The following VPS13D variants were observed in gnomAD, a reference collection of about 807,000 sequenced individuals.
VPS13D encodes the protein intermembrane lipid transfer protein VPS13D.
A neutral mutation model predicts 461.9 loss-of-function variants in VPS13D; 187 were observed. The ratio of observed to expected loss-of-function variants is 0.40; its 90% CI spans 0.36 to 0.46. The LOEUF (loss-of-function observed/expected upper bound fraction) is 0.46. Among genes scored for constraint, VPS13D ranks in the 20% least tolerant of loss-of-function variants. The probability of loss-of-function intolerance (pLI) is 0.60; values close to 1 mark genes in which losing one functional copy is unlikely to be tolerated. For synonymous variants in VPS13D, 1,951 were observed against 1,986.3 expected (o/e 0.98, Z 0.47); for missense variants, 4,711 against 5,364.9 (o/e 0.88, Z 3.81).
chr1:12,267,006 A>G lies in VPS13D; in HGVS notation c.1720A>G (p.Asn574Asp). 3 of 1,595,418 alleles carry G rather than the reference A, an allele frequency of 1.9e-6. No homozygotes were observed. The highest frequency in any genetic ancestry group is 2.6e-6 in the Non-Finnish European group (3 of 1,173,836). The change falls in exon 14 of 70, where the codon AAT becomes GAT. Residue 574 changes from asparagine to aspartate, a missense_variant. Asn to Asp is a conservative substitution (Grantham distance 23, BLOSUM62 1). Around this residue, in one of 3 missense-constraint regions of VPS13D, gnomAD observed 4,411 missense variants for 4,937.8 expected, o/e 0.89. Transcript: ENST00000620676. Reference protein sequence around the residue: ...GTMFPLLVFPNPQKEVGRVSQ... With the variant: ...GTMFPLLVFPDPQKEVGRVSQ... ...TATGTTTCCTCTTCTAGTCTTCCCT[A>G]ATCCAGTATGTACAACAGTTGGATA... is the stretch of plus-strand genomic sequence containing the variant.
intron 68 of VPS13D, among the ~76,000 whole-genome samples, chr1:12,498,913 G>T (rs1230871222): frequency 6.6e-6 from 1 of 152,094 alleles, no homozygotes; most frequent in Non-Finnish European, 1.5e-5. Flanking sequence ...ACTCCAAATG[G>T]TCACATTGGG....
Position 12,356,543 on chromosome 1 carries a change from G to T in VPS13D, c.9998+19G>T. ...CAAACCTGTGAGTACAGTTATTTAT[G>T]GGAAGGGGAAATAAGCTCCCAGGGA... On this transcript the variant is annotated intron_variant, in intron 49 of 69. Transcript: ENST00000620676. 1 of 1,606,934 alleles carries T rather than the reference G, an allele frequency of 6.2e-7. No individual in the cohort carries two copies. Among genetic ancestry groups the T allele is most frequent in the South Asian group, 1.1e-5 (1 of 89,858 alleles).
At chr1:12,481,109 T>A (rs997930507) in intron 67 of VPS13D, among the ~76,000 whole-genome samples, 3 of 152,204 alleles carry the variant, frequency 2.0e-5, no homozygotes, top group Non-Finnish European at 4.4e-5. Flanking sequence ...ACAGGCTTTG[T>A]GTTGCTCAGA....
chr1:12,405,567 G>A (rs1644642083), intron 63 of VPS13D, among the ~76,000 whole-genome samples: 1 of 152,186 alleles, frequency 6.6e-6, no homozygotes, highest in East Asian at 1.9e-4. Context: ...GCCATCTCTG[G>A]AAGAGTGCAG....
Position 12,507,937 on chromosome 1 carries a change from C to T in VPS13D, c.13035+844C>T, listed in dbSNP as rs1646134683. On this transcript the variant is annotated intron_variant, in intron 69 of 69. Coordinates refer to ENST00000620676, the MANE Select transcript of VPS13D (RefSeq NM_015378.4). The surrounding 1 kb of genome is among the most constrained non-coding windows in gnomAD (Gnocchi z 5.3). ...TTGCATTCAAGAATGATACATTAAT[C>T]AAAAGGGCCTGCCCACCTCTGCTCT... Among the ~76,000 whole-genome samples, 1 of 152,244 alleles carries T rather than the reference C, an allele frequency of 6.6e-6. No homozygotes were observed. The highest frequency in any genetic ancestry group is 1.5e-5 in the Non-Finnish European group (1 of 68,040).
intron 23 of VPS13D, among the ~76,000 whole-genome samples, chr1:12,293,082 A>G (rs1214367808): frequency 6.6e-6 from 1 of 152,234 alleles, no homozygotes; most frequent in Non-Finnish European, 1.5e-5. Context: ...ACATTTGACT[A>G]AGTAAAAAGA....
chr1:12,503,804 C>T (rs1336167585), intron 68 of VPS13D, among the ~76,000 whole-genome samples: 3 of 152,064 alleles, frequency 2.0e-5, no homozygotes, highest in African/African-American at 4.8e-5. Flanking sequence ...GCAGGCCTTG[C>T]GGGAAGCTTG....
intron 67 of VPS13D, among the ~76,000 whole-genome samples, chr1:12,479,463 C>G (rs1207759476): frequency 6.6e-6 from 1 of 152,240 alleles, no homozygotes; most frequent in Admixed American, 6.5e-5. Flanking sequence ...TGATCCAAAA[C>G]ATTGACTAGC....
chr1:12,508,823 A>C, intron 69 of VPS13D, 70 bp from the exon 70 acceptor site: 1 of 1,566,444 alleles, frequency 6.4e-7, no homozygotes, highest in Non-Finnish European at 8.7e-7. Context: ...GGGAGCCGCC[A>C]CCTGGGTGGA....
chr1:12,399,734 G>A (rs1258465787), intron 60 of VPS13D, among the ~76,000 whole-genome samples: 2 of 150,734 alleles, frequency 1.3e-5, no homozygotes, highest in East Asian at 2.0e-4. Context: ...CAGGAGAATC[G>A]CTTGAATCCA....
intron 68 of VPS13D, among the ~76,000 whole-genome samples, chr1:12,506,493 T>C (rs1557484328): frequency 1.3e-5 from 2 of 152,102 alleles, no homozygotes; most frequent in Non-Finnish European, 2.9e-5. Context: ...ATTCTGCTTT[T>C]CCCCCCTCAG....
chr1:12,507,455 G>A lies in VPS13D; in HGVS notation c.13035+362G>A, dbSNP rs548614225. On this transcript the variant is annotated intron_variant, in intron 69 of 69. Coordinates refer to ENST00000620676, the MANE Select transcript of VPS13D (RefSeq NM_015378.4). The surrounding 1 kb of genome is among the most constrained non-coding windows in gnomAD (Gnocchi z 5.3). ...ATGGGATTCTTCAGTGCACCAAATC[G>A]AAGAAAGCACTGGAGCTCACGCTGG... 1.1e-4 allele frequency: 52 copies of A among 481,652 alleles called. No homozygotes were observed. Among genetic ancestry groups the A allele is most frequent in the South Asian group, 6.3e-4 (39 of 61,474 alleles). 29.8% of individuals were successfully genotyped at this position (481,652 alleles called of 1,614,324 possible).
chr1:12,499,334 C>G, intron 68 of VPS13D: 1 of 414,670 alleles, frequency 2.4e-6, no homozygotes, highest in Non-Finnish European at 3.2e-6. Flanking sequence ...TGTTCACATG[C>G]GTCCATTTTC....
chr1:12,313,088 T>G (rs1642799354), intron 29 of VPS13D, among the ~76,000 whole-genome samples: 1 of 152,186 alleles, frequency 6.6e-6, no homozygotes, highest in South Asian at 2.1e-4. Context: ...AGTTTCTGAC[T>G]AGCTTAAGGT....
intron 6 of VPS13D, among the ~76,000 whole-genome samples, chr1:12,252,751 G>A (rs1640776657): frequency 7.2e-6 from 1 of 138,458 alleles, no homozygotes; most frequent in Admixed American, 7.4e-5. Context: ...CAGCCTGGGT[G>A]ACAGAGTGAG....
chr1:12,404,092 T>G, intron 63 of VPS13D, 119 bp downstream of exon 63: 1 of 716,706 alleles, frequency 1.4e-6, no homozygotes, highest in Non-Finnish European at 2.0e-6. Flanking sequence ...TCCCTCATCA[T>G]CATTCATAGC....
chr1:12,260,989 G>T lies in VPS13D; in HGVS notation c.1254G>T (p.Pro418=), dbSNP rs150950475. ...AGTTTGATTCTCCAGGAGCCTGTCC[G>T]GGAGCCCCAGAACCCGGTGGAGGCA... ...EPQFDSPGAC[P]GAPEPGGGSG... is the part of the protein sequence containing the mutation. Residue 418 remains proline, a synonymous_variant, in exon 12 of 70, where the codon CCG becomes CCT. Coordinates refer to ENST00000620676, the MANE Select transcript of VPS13D (RefSeq NM_015378.4). 5.0e-6 allele frequency: 8 copies of T among 1,613,844 alleles called. No homozygotes were observed. The highest frequency in any genetic ancestry group is 1.3e-5 in the African/African-American group (1 of 75,026).
chr1:12,284,952 T>C (rs1641916891), intron 21 of VPS13D, among the ~76,000 whole-genome samples: 1 of 152,220 alleles, frequency 6.6e-6, no homozygotes, highest in East Asian at 1.9e-4. Context: ...TTGGGCTTCA[T>C]GTGTCTGTAC....
chr1:12,285,809 C>A (rs1022764497), intron 21 of VPS13D, among the ~76,000 whole-genome samples: 11 of 151,086 alleles, frequency 7.3e-5, no homozygotes, highest in Non-Finnish European at 4.4e-5. Context: ...GTTTAAGAAA[C>A]TTCTTGTCTT....
Sources: allele counts gnomAD v4.1 joint callset (sites outside exome capture counted in the v4.1 genomes callset), GRCh38; gene constraint gnomAD v4.1.1; regional missense constraint gnomAD v4.1.1; non-coding constraint Gnocchi (gnomAD v3.1); transcripts MANE v1.5; gene names NCBI Gene and HGNC (gene_info 2026-07-23, HGNC 2026-07-21).